The following VPS53 variants were observed in gnomAD, a reference collection of about 807,000 sequenced individuals.
VPS53 encodes vacuolar protein sorting-associated protein 53 homolog.
In VPS53, 70 loss-of-function variants were observed where a neutral mutation model predicts 107.0. The ratio of observed to expected loss-of-function variants is 0.65; its 90% CI spans 0.54 to 0.80. The LOEUF (loss-of-function observed/expected upper bound fraction) is 0.80, where lower values mean the gene tolerates loss of function less well. Among genes scored for constraint, VPS53 ranks in the 30% least tolerant of loss-of-function variants. The pLI is 0.00. For synonymous variants in VPS53, 409 were observed against 393.3 expected, an observed-to-expected ratio of 1.04 and a Z score of -0.47; for missense variants, 917 against 1,049.4, an observed-to-expected ratio of 0.87 and a Z score of 1.74.
intron 4 of VPS53, among the ~76,000 whole-genome samples, chr17:681,339 A>G (rs1209622694): frequency 6.6e-6 from 1 of 152,090 alleles, no homozygotes; most frequent in Non-Finnish European, 1.5e-5. Flanking sequence ...GTTTCACCAT[A>G]TTGGTCAGGG....
In VPS53 at chr17:631,628, T is replaced by C; in HGVS notation, c.609A>G (p.Arg203=). The stretch of plus-strand genomic sequence containing the variant: ...CTAACTCAGTCTGTGCAGCCTTCAC[T>C]CTGTGAGGAAGAGAGAACATATCAT... ...GIPQIRQLSE[R]VKAAQTELGQ... is the part of the protein sequence containing the mutation. The change falls in exon 8 of 22, where the codon AGA becomes AGG. Residue 203 remains arginine (R), a splice_region_variant and synonymous_variant. Transcript: ENST00000437048. 1 of 1,613,924 alleles carries C rather than the reference T, an allele frequency of 6.2e-7. No individual in the cohort carries two copies. Among genetic ancestry groups the C allele is most frequent in the Non-Finnish European group, 8.5e-7 (1 of 1,179,850 alleles).
chr17:682,587 G>A (rs1206660814), intron 4 of VPS53, among the ~76,000 whole-genome samples: 1 of 152,194 alleles, frequency 6.6e-6, no homozygotes. Context: ...CAATGGTAGG[G>A]AGGCCTGGAA....
At chr17:618,211 CCCA>C (rs1348550377) in intron 11 of VPS53, among the ~76,000 whole-genome samples, 5 of 86,752 alleles carry the variant, frequency 5.8e-5, no homozygotes, top group African/African-American at 1.2e-4. Context: ...GCCACCACGC[CCCA>C]CTAATATTTC....
intron 12 of VPS53, among the ~76,000 whole-genome samples, chr17:586,768 G>A (rs1047655279): frequency 6.6e-6 from 1 of 152,120 alleles, no homozygotes; most frequent in African/African-American, 2.4e-5. Flanking sequence ...TATGTCACCT[G>A]CTCCTCACAA....
At chr17:614,721 A>G (rs1361001942) in intron 11 of VPS53, among the ~76,000 whole-genome samples, 1 of 152,160 alleles carries the variant, frequency 6.6e-6, no homozygotes, top group Non-Finnish European at 1.5e-5. Context: ...GTGGTCTTTC[A>G]TGAGTCGTGA....
At chr17:596,944 C>T (rs1447611606) in intron 12 of VPS53, among the ~76,000 whole-genome samples, 1 of 152,190 alleles carries the variant, frequency 6.6e-6, no homozygotes, top group African/African-American at 2.4e-5. Context: ...GCTGGTCCCA[C>T]TTCCTTTCAT....
intron 13 of VPS53, among the ~76,000 whole-genome samples, chr17:571,339 CTG>C (rs1914033197): frequency 6.6e-6 from 1 of 152,098 alleles, no homozygotes. Flanking sequence ...CATGCAGTGT[CTG>C]TGCATTACGT....
In VPS53 at chr17:612,932, ACAG is replaced by A. The variant is rs1379849979; in HGVS notation, c.1116+10598_1116+10600del. 2.0e-5 allele frequency among the ~76,000 whole-genome samples: 3 copies of A among 151,550 alleles called. 1 individual carries two copies. Among genetic ancestry groups the A allele is most frequent in the Admixed American group, 6.6e-5 (1 of 15,246 alleles). On this transcript the variant is annotated intron_variant, in intron 11 of 21. Coordinates refer to ENST00000437048, the MANE Select transcript of VPS53 (RefSeq NM_001128159.3). Reference sequence around the variant, plus strand: ...ACAGTGAAAACCTGCACAGATATTCACAGCAGTATTCAAATAGTGAATTCACAC... The same window carrying A: ...ACAGTGAAAACCTGCACAGATATTCACAGTATTCAAATAGTGAATTCACAC...
intron 13 of VPS53, among the ~76,000 whole-genome samples, chr17:581,806 C>T (rs1358627483): frequency 6.6e-6 from 1 of 150,600 alleles, no homozygotes; most frequent in Admixed American, 6.6e-5. Flanking sequence ...GAACCTACTG[C>T]GTTCCCAGAG....
chr17:682,765 A>G (rs560595151), intron 4 of VPS53, among the ~76,000 whole-genome samples: 1 of 152,086 alleles, frequency 6.6e-6, no homozygotes, highest in South Asian at 2.1e-4. Flanking sequence ...AAAAAAGAAG[A>G]AAGGGAAGAA....
intron 4 of VPS53, among the ~76,000 whole-genome samples, chr17:695,464 G>C (rs1179405677): frequency 6.6e-6 from 1 of 152,156 alleles, no homozygotes; most frequent in East Asian, 1.9e-4. Context: ...TGCTCGTAGA[G>C]CACAAAGTCT....
At position 618,259 on chromosome 17, in the gene VPS53, G is replaced by GC. The variant is rs1373844596; in HGVS notation, c.1116+5273dup. Among the ~76,000 whole-genome samples the GC allele has an allele frequency of 1.0e-4, 8 of 78,010 alleles. No homozygotes were observed. In the East Asian group the frequency reaches 2.1e-3, roughly 20 times the overall value. The allele number at this position is 78,010 out of a possible 152,430, so 51.2% of individuals were successfully genotyped here. Reference sequence around the variant, plus strand: ...TGGGACTACAGGCGTGCACCACCACGCCTGCTAATATTTCCCGGGTAGCTG... The same window carrying GC: ...TGGGACTACAGGCGTGCACCACCACGCCCTGCTAATATTTCCCGGGTAGCTG... On this transcript the variant is annotated intron_variant, in intron 11 of 21. Coordinates refer to ENST00000437048, the MANE Select transcript of VPS53 (RefSeq NM_001128159.3).
At chr17:583,450 T>C (rs1967153905) in intron 13 of VPS53, among the ~76,000 whole-genome samples, 1 of 149,728 alleles carries the variant, frequency 6.7e-6, no homozygotes, top group African/African-American at 2.5e-5. Flanking sequence ...AGAACCTCAA[T>C]GCGTTCCCAG....
At chr17:682,745 C>CA (rs1368310745) in intron 4 of VPS53, among the ~76,000 whole-genome samples, 1 of 149,226 alleles carries the variant, frequency 6.7e-6, no homozygotes, top group Admixed American at 6.7e-5. Flanking sequence ...ATATATACGC[C>CA]AAAAAAGAAA....
At chr17:526,407 C>T (rs1267859340) in intron 19 of VPS53, among the ~76,000 whole-genome samples, 1 of 152,186 alleles carries the variant, frequency 6.6e-6, no homozygotes, top group Non-Finnish European at 1.5e-5. Context: ...CTTTCATTCC[C>T]TGGCCAGTCA....
intron 6 of VPS53, among the ~76,000 whole-genome samples, chr17:655,430 T>A (rs1246072110): frequency 6.6e-6 from 1 of 151,356 alleles, no homozygotes; most frequent in Admixed American, 6.6e-5. Context: ...AGGGAGTGAA[T>A]ATGGGCCTGT....
intron 5 of VPS53, among the ~76,000 whole-genome samples, chr17:656,373 A>G (rs962269925): frequency 3.3e-5 from 5 of 152,288 alleles, no homozygotes; most frequent in African/African-American, 1.2e-4. Flanking sequence ...GACGGTCTTT[A>G]CTAATGGAAT....
intron 13 of VPS53, among the ~76,000 whole-genome samples, chr17:576,736 C>T (rs973495366): frequency 2.0e-5 from 3 of 151,044 alleles, no homozygotes; most frequent in African/African-American, 7.3e-5. Context: ...CACAGAACCT[C>T]CCTCAGAACC....
At chr17:656,278 C>G (rs75468336) in intron 5 of VPS53, among the ~76,000 whole-genome samples, 1 of 152,118 alleles carries the variant, frequency 6.6e-6, no homozygotes, top group South Asian at 2.1e-4. Context: ...AGCACCTTTC[C>G]TTGAACAAGG....
Sources: allele counts gnomAD v4.1 joint callset (sites outside exome capture counted in the v4.1 genomes callset), GRCh38; gene constraint gnomAD v4.1.1; transcripts MANE v1.5; gene names NCBI Gene and HGNC (gene_info 2026-07-23, HGNC 2026-07-21).